Variants in PCDHA5 observed in about 807,000 individuals in gnomAD.
The protein encoded by PCDHA5 is protocadherin alpha 5.
PCDHA5 carries 43 observed loss-of-function variants against 61.6 expected under a neutral mutation model. The observed-to-expected ratio is 0.70, with a 90% confidence interval of 0.55 to 0.90. The LOEUF (loss-of-function observed/expected upper bound fraction) is 0.90. PCDHA5 is among the 40% of genes least tolerant of loss of function. The pLI is 0.00. For synonymous variants in PCDHA5, 627 were observed against 543.9 expected, an observed-to-expected ratio of 1.15 and a Z score of -2.13; for missense variants, 1,298 against 1,222.7, an observed-to-expected ratio of 1.06 and a Z score of -0.92.
At chr5:140,964,173 C>A (rs1052958313) in intron 1 of PCDHA5, among the ~76,000 whole-genome samples, 5 of 152,174 alleles carry the variant, frequency 3.3e-5, no homozygotes, top group Non-Finnish European at 7.4e-5. Context: ...GGAACGAAAT[C>A]ATTATAGTGC....
At chr5:140,833,869 A>G (rs1554133991) in intron 1 of PCDHA5, among the ~76,000 whole-genome samples, 4 of 152,220 alleles carry the variant, frequency 2.6e-5, no homozygotes, top group Non-Finnish European at 5.9e-5. Flanking sequence ...AATCAAGAAT[A>G]TGAAGTTTCC....
intron 1 of PCDHA5, chr5:140,863,175 C>T (rs1562576204): frequency 1.4e-6 from 1 of 718,568 alleles, no homozygotes; most frequent in South Asian, 1.3e-5. Context: ...CGCTGACTGC[C>T]ACCGTCACCG....
chr5:140,835,536 G>T, intron 1 of PCDHA5: 9 of 1,613,940 alleles, frequency 5.6e-6, no homozygotes, highest in Non-Finnish European at 7.6e-6. Context: ...CAACGGACAG[G>T]TTACCTGCTC....
intron 1 of PCDHA5, chr5:140,843,148 T>C (rs2150353872): frequency 6.3e-7 from 1 of 1,596,056 alleles, no homozygotes; most frequent in South Asian, 1.1e-5. Flanking sequence ...GGCTTTCGTA[T>C]GAGCTGCAGC....
intron 1 of PCDHA5, among the ~76,000 whole-genome samples, chr5:140,941,221 TTC>T (rs1217645089): frequency 7.6e-6 from 1 of 131,640 alleles, no homozygotes; most frequent in African/African-American, 3.0e-5. Flanking sequence ...CTTCCTTTCT[TTC>T]TTTCTTTCTT....
At chr5:140,998,389 C>T (rs1386157244) in intron 3 of PCDHA5, among the ~76,000 whole-genome samples, 3 of 152,128 alleles carry the variant, frequency 2.0e-5, no homozygotes, top group Non-Finnish European at 4.4e-5. Flanking sequence ...AAGTTTAATG[C>T]CATCTTTATG....
chr5:140,841,919 T>G, intron 1 of PCDHA5: 3 of 1,613,892 alleles, frequency 1.9e-6, no homozygotes, highest in Non-Finnish European at 2.5e-6. Flanking sequence ...AAGAAAATCC[T>G]TGGACAGAGA....
chr5:140,829,728 G>A (rs1388921761), intron 1 of PCDHA5: 2 of 1,613,492 alleles, frequency 1.2e-6, no homozygotes, highest in Non-Finnish European at 1.7e-6. Flanking sequence ...CCGCCTCTGG[G>A]CAGCAACGTG....
chr5:140,830,343 C>T (rs2150185146), intron 1 of PCDHA5: 1 of 1,614,058 alleles, frequency 6.2e-7, no homozygotes, highest in South Asian at 1.1e-5. Context: ...TGGTCGTACT[C>T]GCAGCAGAGG....
Position 140,881,064 on chromosome 5 carries a change from T to C in PCDHA5, c.2352+56937T>C, listed in dbSNP as rs191524582. On this transcript the variant is annotated intron_variant, in intron 1 of 3. Transcript: ENST00000529859. ...AGAGTTGTGCACAGAACAGGCCAGA[T>C]AATTATTGGAGCTATGATATATTTT... Among the ~76,000 whole-genome samples, 392 of 152,302 alleles carry C rather than the reference T, an allele frequency of 2.6e-3. 1 individual carries two copies. The highest frequency in any genetic ancestry group is 9.1e-3 in the African/African-American group (379 of 41,556).
intron 1 of PCDHA5, among the ~76,000 whole-genome samples, chr5:140,908,126 C>T (rs573751399): frequency 1.6e-4 from 24 of 152,360 alleles, no homozygotes; most frequent in South Asian, 1.0e-3. Context: ...TTTCCCTTCA[C>T]TGCTGTCCTT....
At chr5:140,824,949 A>C (rs1182426968) in intron 1 of PCDHA5, 1 of 152,150 alleles carries the variant, frequency 6.6e-6, no homozygotes, top group Non-Finnish European at 1.5e-5. Context: ...TAATTTAAAA[A>C]TTATATTTTT....
At chr5:140,824,227 T>A in intron 1 of PCDHA5, 100 bp downstream of exon 1, 5 of 1,544,522 alleles carry the variant, frequency 3.2e-6, no homozygotes, top group Non-Finnish European at 4.5e-6. Context: ...TATGTCTTAG[T>A]ACACAAATAT....
intron 1 of PCDHA5, among the ~76,000 whole-genome samples, chr5:140,943,273 A>G (rs1451221832): frequency 1.3e-5 from 2 of 150,472 alleles, no homozygotes; most frequent in East Asian, 1.9e-4. Flanking sequence ...AAAAAAAAAA[A>G]AAAAGAAAGA....
chr5:140,967,775 G>A, intron 1 of PCDHA5: 2 of 1,614,200 alleles, frequency 1.2e-6, no homozygotes, highest in South Asian at 2.2e-5. Context: ...CTATGTGCAG[G>A]CGACTGACCG....
intron 1 of PCDHA5, among the ~76,000 whole-genome samples, chr5:140,879,279 A>G (rs2057928398): frequency 2.0e-5 from 3 of 152,250 alleles, no homozygotes; most frequent in East Asian, 3.8e-4. Flanking sequence ...CAGACTCAAT[A>G]CAAATGATAA....
At chr5:140,916,933 A>G (rs1554197692) in intron 1 of PCDHA5, among the ~76,000 whole-genome samples, 3 of 152,162 alleles carry the variant, frequency 2.0e-5, no homozygotes, top group Non-Finnish European at 4.4e-5. Context: ...ACTTAAGCAT[A>G]TAGTGGTGAG....
intron 1 of PCDHA5, chr5:140,848,198 C>A (rs891964710): frequency 3.2e-6 from 1 of 311,390 alleles, no homozygotes; most frequent in Non-Finnish European, 5.9e-6. Flanking sequence ...TCTGTTTCAA[C>A]AATCATTACT....
chr5:140,883,504 C>A, intron 1 of PCDHA5: 1 of 1,614,172 alleles, frequency 6.2e-7, no homozygotes, highest in Non-Finnish European at 8.5e-7. Context: ...TGGACAGCGC[C>A]CTGGACCGCG....
Sources: allele counts gnomAD v4.1 joint callset (sites outside exome capture counted in the v4.1 genomes callset), GRCh38; gene constraint gnomAD v4.1.1; transcripts MANE v1.5; gene names NCBI Gene and HGNC (gene_info 2026-07-23, HGNC 2026-07-21).